Variants in EFCC1 observed in about 807,000 individuals in gnomAD.
The protein encoded by EFCC1 is EF-hand and coiled-coil domain containing 1.
EFCC1 carries 50 observed loss-of-function variants against 52.1 expected under a neutral mutation model. The observed-to-expected ratio is 0.96, with a 90% CI of 0.76 to 1.21. EFCC1 has a LOEUF of 1.21. EFCC1 is among the 50% of genes most tolerant of loss of function. The pLI, the probability that EFCC1 is intolerant of heterozygous loss-of-function variation, is 0.00. For synonymous variants in EFCC1, 399 were observed against 396.5 expected (o/e 1.01, Z -0.08); for missense variants, 837 against 867.3 (o/e 0.97, Z 0.44).
chr3:129,029,076 C>G (rs2107933123), intron 2 of EFCC1, among the ~76,000 whole-genome samples: 1 of 152,278 alleles, frequency 6.6e-6, no homozygotes, highest in African/African-American at 2.4e-5. Flanking sequence ...ATCAGTGGCT[C>G]TGCCTGCGAT....
chr3:129,002,086 T>G lies in EFCC1; in HGVS notation c.458T>G (p.Phe153Cys). Reference sequence around the variant, plus strand: ...TTCCACGCGCGCCTCTGTGGCTACTTCGGCACCCGTGCGGGGCCCCGGCTG... The same window carrying G: ...TTCCACGCGCGCCTCTGTGGCTACTGCGGCACCCGTGCGGGGCCCCGGCTG... ...RQFHARLCGYFGTRAGPRLPR... is the reference protein window; with the variant it reads ...RQFHARLCGYCGTRAGPRLPR... Residue 153 changes from phenylalanine (F) to cysteine (C), a missense_variant, in exon 1 of 8, where the codon TTC becomes TGC. Transcript: ENST00000683648. The G allele has an allele frequency of 6.6e-7, 1 of 1,523,680 alleles. No individual in the cohort carries two copies. Among genetic ancestry groups the G allele is most frequent in the Non-Finnish European group, 8.8e-7 (1 of 1,136,408 alleles). 94.4% of individuals were successfully genotyped at this position (1,523,680 alleles called of 1,614,324 possible). A position where few individuals can be genotyped will look rare whatever the true frequency, so the allele number is the denominator to read the frequency against.
At chr3:129,033,783 C>G (rs528268192) in intron 4 of EFCC1, among the ~76,000 whole-genome samples, 1 of 152,042 alleles carries the variant, frequency 6.6e-6, no homozygotes, top group African/African-American at 2.4e-5. Flanking sequence ...GGGACAGAGG[C>G]GGGGCAGGGA....
intron 1 of EFCC1, among the ~76,000 whole-genome samples, 182 bp from the exon 2 acceptor site, chr3:129,003,612 C>A (rs1024914590): frequency 6.6e-6 from 1 of 152,026 alleles, no homozygotes; most frequent in Admixed American, 6.5e-5. Context: ...GGGGATGTGG[C>A]GAGGGTTAAA....
rs146230336 is a variant in EFCC1, at chr3:129,034,286, C to T, written c.1409C>T (p.Thr470Ile). 3.8e-4 allele frequency: 618 copies of T among 1,614,004 alleles called. No homozygotes were observed. Among genetic ancestry groups the T allele is most frequent in the Non-Finnish European group, 5.1e-4 (598 of 1,180,022 alleles). ...GCCATGCTGGTGGAGCAGCTGAGGA[C>T]TCAGGGCTGCGGTGGGAGGACCCTG... ...CIAMLVEQLRTQGCGGRTLGT... is the reference protein window; with the variant it reads ...CIAMLVEQLRIQGCGGRTLGT... Residue 470 changes from threonine to isoleucine, a missense_variant, in exon 5 of 8, where the codon ACT (threonine) becomes ATT (isoleucine). By Grantham distance (89) the Thr-to-Ile change is moderately conservative (BLOSUM62 -1). Coordinates refer to ENST00000683648, the MANE Select transcript of EFCC1 (RefSeq NM_001377500.1).
Position 129,032,910 on chromosome 3 carries a change from G to C in EFCC1, c.1230G>C (p.Lys410Asn), listed in dbSNP as rs1273523323. 1.9e-6 allele frequency: 3 copies of C among 1,551,126 alleles called. No homozygotes were observed. The highest frequency in any genetic ancestry group is 1.7e-6 in the Non-Finnish European group (2 of 1,146,854). Residue 410 changes from lysine to asparagine, a missense_variant, in exon 4 of 8, where the codon AAG becomes AAC. Lys to Asn is a moderately conservative substitution (Grantham distance 94, BLOSUM62 0). Transcript: ENST00000683648. ...VEEERWQEEK[K>N]TPAAEAKTLL... ...AGGAGAGGTGGCAGGAGGAGAAGAA[G>C]ACGCCGGCAGCCGAGGCCAAGACAC...
chr3:129,025,335 G>A (rs950722311), intron 2 of EFCC1, among the ~76,000 whole-genome samples: 3 of 152,168 alleles, frequency 2.0e-5, no homozygotes, highest in Non-Finnish European at 2.9e-5. Context: ...AGGGAGGCAG[G>A]AGGAATCCCA....
In EFCC1 at chr3:129,030,822, A is replaced by T; in HGVS notation, c.1100A>T (p.Gln367Leu). 6.4e-7 allele frequency: 1 copy of T among 1,551,514 alleles called. No homozygotes were observed. Among genetic ancestry groups the T allele is most frequent in the South Asian group, 1.2e-5 (1 of 84,032 alleles). ...GACCCCACTCCAGAGGGAGCCTGGCAGTCAGACAGCAGCTCTGGAAGCAGA... is the reference window on the plus strand; with the variant it reads ...GACCCCACTCCAGAGGGAGCCTGGCTGTCAGACAGCAGCTCTGGAAGCAGA... ...DPDPTPEGAW[Q>L]SDSSSGSRAL... Residue 367 changes from glutamine to leucine, a missense_variant, in exon 3 of 8, where the codon CAG (glutamine) becomes CTG (leucine). Transcript: ENST00000683648.
Position 129,034,099 on chromosome 3 carries a change from A to C in EFCC1, c.1287-65A>C. On this transcript the variant is annotated intron_variant, in intron 4 of 7. Coordinates refer to ENST00000683648, the MANE Select transcript of EFCC1 (RefSeq NM_001377500.1). ...AACTCCACACCACCACCACCTCTCCAAGGCTGGACAGAGCGGGCTCTGGGA... is the reference window on the plus strand; with the variant it reads ...AACTCCACACCACCACCACCTCTCCCAGGCTGGACAGAGCGGGCTCTGGGA... 3.7e-6 allele frequency: 6 copies of C among 1,600,558 alleles called. No homozygotes were observed. The South Asian group carries it at 6.7e-5, about 18-fold the overall frequency.
intron 1 of EFCC1, among the ~76,000 whole-genome samples, chr3:129,002,945 G>C (rs1944866777): frequency 6.6e-6 from 1 of 152,184 alleles, no homozygotes; most frequent in Non-Finnish European, 1.5e-5. Context: ...GAAACCATGG[G>C]GTGAGATAGG....
chr3:129,034,369 G>C, intron 5 of EFCC1, 40 bp downstream of exon 5: 1 of 1,604,418 alleles, frequency 6.2e-7, no homozygotes, highest in Non-Finnish European at 8.5e-7. Flanking sequence ...AGCAATTCTA[G>C]AGGATCTCAC....
intron 5 of EFCC1, among the ~76,000 whole-genome samples, chr3:129,035,111 C>T (rs754226995): frequency 6.6e-5 from 10 of 152,210 alleles, no homozygotes; most frequent in Non-Finnish European, 1.3e-4. Context: ...GCCCACTGTG[C>T]TTTTACAAAC....
intron 2 of EFCC1, among the ~76,000 whole-genome samples, chr3:129,021,274 T>C (rs1425559032): frequency 6.6e-6 from 1 of 152,234 alleles, no homozygotes; most frequent in Non-Finnish European, 1.5e-5. Context: ...CACAGGGTTT[T>C]CCACAAGGTT....
intron 2 of EFCC1, among the ~76,000 whole-genome samples, chr3:129,027,233 T>C (rs1032201011): frequency 6.6e-6 from 1 of 152,162 alleles, no homozygotes; most frequent in African/African-American, 2.4e-5. Context: ...GTTATGCTGA[T>C]GAGCACGGGG....
chr3:129,020,534 G>C (rs1945790963), intron 2 of EFCC1, among the ~76,000 whole-genome samples: 1 of 152,202 alleles, frequency 6.6e-6, no homozygotes, highest in Non-Finnish European at 1.5e-5. Flanking sequence ...CTACTGAGGA[G>C]GCTGAGGTGG....
At chr3:129,003,076 G>A (rs1294676392) in intron 1 of EFCC1, among the ~76,000 whole-genome samples, 2 of 152,188 alleles carry the variant, frequency 1.3e-5, no homozygotes, top group Admixed American at 6.5e-5. Flanking sequence ...TACCCCAGGC[G>A]ACAACAGGCC....
intron 2 of EFCC1, among the ~76,000 whole-genome samples, chr3:129,022,027 G>A (rs569970000): frequency 4.3e-4 from 65 of 152,340 alleles, no homozygotes; most frequent in Non-Finnish European, 7.5e-4. Flanking sequence ...GCCGGGGCAG[G>A]CGCAGAGCTC....
rs1944755184 is a variant in EFCC1, at chr3:129,001,630, T to TG, written c.4dup (p.Glu2?). On this transcript the variant is annotated frameshift_variant and start_lost, in exon 1 of 8. Coordinates refer to ENST00000683648, the MANE Select transcript of EFCC1 (RefSeq NM_001377500.1). LOFTEE classifies it high-confidence loss of function. ...AGGAGCGAGGCGCGCGGCGCAGCGA[T>TG]GGAGCCGGTCAGCACGGGCGCGGAG... is the stretch of plus-strand genomic sequence containing the variant. 1.5e-6 allele frequency: 2 copies of TG among 1,357,998 alleles called. No individual in the cohort carries two copies. The highest frequency in any genetic ancestry group is 3.1e-5 in the African/African-American group (2 of 64,950). The allele number at this position is 1,357,998 out of a possible 1,614,324, so 84.1% of individuals were successfully genotyped here. A position where few individuals can be genotyped will look rare whatever the true frequency, so the allele number is the denominator to read the frequency against.
At chr3:129,029,235 C>A (rs1018576621) in intron 2 of EFCC1, among the ~76,000 whole-genome samples, 9 of 152,130 alleles carry the variant, frequency 5.9e-5, no homozygotes, top group Admixed American at 2.0e-4. Flanking sequence ...TAATAAGTGG[C>A]CCATTTATTA....
At chr3:129,038,341 C>T (rs1458718026) in intron 6 of EFCC1, among the ~76,000 whole-genome samples, 1 of 152,170 alleles carries the variant, frequency 6.6e-6, no homozygotes, top group African/African-American at 2.4e-5. Flanking sequence ...CAATCCTAGC[C>T]CAGGCAGGCA....
Sources: allele counts gnomAD v4.1 joint callset (sites outside exome capture counted in the v4.1 genomes callset), GRCh38; gene constraint gnomAD v4.1.1; transcripts MANE v1.5; gene names NCBI Gene and HGNC (gene_info 2026-07-23, HGNC 2026-07-21).